TBC1D32: variants seen among roughly 807,000 people sequenced by gnomAD.
TBC1D32 encodes TBC1 domain family member 32, also known as protein broad-minded.
A neutral mutation model predicts 170.3 loss-of-function variants in TBC1D32; 151 were observed. That is an observed-to-expected ratio of 0.89 (90% CI 0.78 to 1.01). The LOEUF (loss-of-function observed/expected upper bound fraction) is 1.01, where lower values mean the gene tolerates loss of function less well. Ranked by LOEUF, TBC1D32 falls within the 50% of genes least tolerant of loss-of-function variation. The pLI, the probability that TBC1D32 is intolerant of heterozygous loss-of-function variation, is 0.00. For missense variants in TBC1D32, 1,464 were observed against 1,457.1 expected (o/e 1.00, Z -0.08); for synonymous variants, 498 against 488.0 (o/e 1.02, Z -0.27).
At chr6:121,257,004 A>C (rs1362695639) in intron 15 of TBC1D32, among the ~76,000 whole-genome samples, 2 of 152,100 alleles carry the variant, frequency 1.3e-5, no homozygotes, top group Non-Finnish European at 2.9e-5. Context: ...ATAATAGATA[A>C]GTATTTAATA....
intron 17 of TBC1D32, among the ~76,000 whole-genome samples, chr6:121,246,797 G>T (rs1797681248): frequency 6.6e-6 from 1 of 151,560 alleles, no homozygotes; most frequent in Admixed American, 6.6e-5. Flanking sequence ...AGAGCTCAAA[G>T]AAAAGGTTTT....
Position 121,217,138 on chromosome 6 carries a change from C to T in TBC1D32, c.2481+6098G>A, listed in dbSNP as rs116245318. Among the ~76,000 whole-genome samples the T allele has an allele frequency of 8.8e-3, 1,338 of 152,266 alleles. 20 individuals are homozygous for T. Among genetic ancestry groups the T allele is most frequent in the African/African-American group, 0.03 (1,253 of 41,554 alleles). ...TGCTACTGGATTATCCTAAGCTTAA[C>T]CAAGTGGTGACTCAAACTGCAGCTG... On this transcript the variant is annotated intron_variant, in intron 21 of 31. Transcript: ENST00000398212.
chr6:121,156,736 GAAAGTTTTT>G (rs1784939558), intron 24 of TBC1D32, among the ~76,000 whole-genome samples: 1 of 73,276 alleles, frequency 1.4e-5, no homozygotes, highest in Non-Finnish European at 5.6e-5. Context: ...TAGTTTCAAA[GAAAGTTTTT>G]ATTTCTGACT....
At position 121,193,864 on chromosome 6, in the gene TBC1D32, C is replaced by T. The variant is rs368524721; in HGVS notation, c.2570+11211G>A. On this transcript the variant is annotated intron_variant, in intron 22 of 31. Coordinates refer to ENST00000398212, the MANE Select transcript of TBC1D32 (RefSeq NM_152730.6). Reference sequence around the variant, plus strand: ...CAATTTCCAGACTGGAGCCAGTTTACAGACCCAGAACCCCTTAAGTGAAGG... The same window carrying T: ...CAATTTCCAGACTGGAGCCAGTTTATAGACCCAGAACCCCTTAAGTGAAGG... 2.0e-5 allele frequency among the ~76,000 whole-genome samples: 3 copies of T among 152,158 alleles called. No homozygotes were observed. The East Asian group carries it at 5.8e-4, about 29-fold the overall frequency.
At chr6:121,306,147 A>C (rs1374365158) in intron 5 of TBC1D32, among the ~76,000 whole-genome samples, 1 of 152,162 alleles carries the variant, frequency 6.6e-6, no homozygotes, top group African/African-American at 2.4e-5. Context: ...AAGTTCTTGG[A>C]TCATTGAGCT....
At chr6:121,097,641 C>T (rs1479644244) in intron 30 of TBC1D32, among the ~76,000 whole-genome samples, 1 of 152,008 alleles carries the variant, frequency 6.6e-6, no homozygotes, top group Non-Finnish European at 1.5e-5. Flanking sequence ...GTGGAGATTC[C>T]TCAAGGATCT....
rs531011449 is a variant in TBC1D32, at chr6:121,333,549, A to T, written c.155+727T>A. On this transcript the variant is annotated intron_variant, in intron 1 of 31. Coordinates refer to ENST00000398212, the MANE Select transcript of TBC1D32 (RefSeq NM_152730.6). ...TCGGTATTCCCTTTGCAGTGCTCAG[A>T]GTGAGTAATTCGTGCGGCCACTTAA... Among the ~76,000 whole-genome samples, 11 of 152,276 alleles carry T rather than the reference A, an allele frequency of 7.2e-5. No homozygotes were observed. In the South Asian group the frequency reaches 2.1e-3, roughly 29 times the overall value.
At chr6:121,287,120 T>A in intron 12 of TBC1D32, among the ~76,000 whole-genome samples, 1 of 152,080 alleles carries the variant, frequency 6.6e-6, no homozygotes. Flanking sequence ...CCAGCTAACA[T>A]CATAATGACA....
chr6:121,137,142 C>T (rs1392305155), intron 24 of TBC1D32, among the ~76,000 whole-genome samples: 2 of 152,066 alleles, frequency 1.3e-5, no homozygotes, highest in Non-Finnish European at 2.9e-5. Context: ...AATGAACATT[C>T]ACTTCTTAAG....
At chr6:121,232,470 T>C (rs2128342619) in intron 20 of TBC1D32, among the ~76,000 whole-genome samples, 1 of 152,210 alleles carries the variant, frequency 6.6e-6, no homozygotes, top group South Asian at 2.1e-4. Flanking sequence ...ATTATGGTGG[T>C]ATTTTGATAG....
chr6:121,112,210 C>T (rs991732580), intron 29 of TBC1D32, among the ~76,000 whole-genome samples: 1 of 152,018 alleles, frequency 6.6e-6, no homozygotes, highest in East Asian at 1.9e-4. Context: ...CAATAGTTCT[C>T]TTTTTAGGTG....
At chr6:121,101,362 A>C (rs1778035614) in intron 30 of TBC1D32, among the ~76,000 whole-genome samples, 1 of 152,176 alleles carries the variant, frequency 6.6e-6, no homozygotes, top group African/African-American at 2.4e-5. Flanking sequence ...AACCAAATCC[A>C]GTAGCAAATC....
At chr6:121,298,603 A>C (rs1806004450) in intron 10 of TBC1D32, among the ~76,000 whole-genome samples, 1 of 152,140 alleles carries the variant, frequency 6.6e-6, no homozygotes, top group African/African-American at 2.4e-5. Context: ...ATTTCTTTAA[A>C]AATTTTGAAG....
At chr6:121,151,808 A>C (rs1784248824) in intron 24 of TBC1D32, among the ~76,000 whole-genome samples, 2 of 152,186 alleles carry the variant, frequency 1.3e-5, no homozygotes, top group Non-Finnish European at 2.9e-5. Flanking sequence ...GTTTTATCAG[A>C]AACTAGGATT....
intron 24 of TBC1D32, among the ~76,000 whole-genome samples, chr6:121,153,632 C>A (rs1020561185): frequency 3.9e-5 from 6 of 152,102 alleles, no homozygotes; most frequent in African/African-American, 1.4e-4. Flanking sequence ...CATGGAGATG[C>A]GAGTTTTATC....
At chr6:121,157,140 A>G (rs1785005052) in intron 24 of TBC1D32, among the ~76,000 whole-genome samples, 1 of 152,102 alleles carries the variant, frequency 6.6e-6, no homozygotes, top group Non-Finnish European at 1.5e-5. Context: ...TAGGGGCTAT[A>G]TAAGTCTTTT....
chr6:121,176,832 C>T (rs533643439), intron 22 of TBC1D32, among the ~76,000 whole-genome samples: 12 of 152,194 alleles, frequency 7.9e-5, no homozygotes, highest in East Asian at 1.9e-4. Context: ...CTCCTGACCT[C>T]GTGATCTGCC....
At chr6:121,088,568 T>A (rs1776486029) in intron 31 of TBC1D32, among the ~76,000 whole-genome samples, 1 of 152,142 alleles carries the variant, frequency 6.6e-6, no homozygotes, top group Admixed American at 6.5e-5. Context: ...CATATTTAAA[T>A]AAACTATACC....
chr6:121,311,360 G>C (rs1583696635), intron 3 of TBC1D32, among the ~76,000 whole-genome samples: 1 of 152,194 alleles, frequency 6.6e-6, no homozygotes, highest in South Asian at 2.1e-4. Flanking sequence ...AGATATTTTG[G>C]AGAAAGAAAG....
Sources: allele counts gnomAD v4.1 joint callset (sites outside exome capture counted in the v4.1 genomes callset), GRCh38; gene constraint gnomAD v4.1.1; transcripts MANE v1.5; gene names NCBI Gene and HGNC (gene_info 2026-07-23, HGNC 2026-07-21).